GALNT13: variants seen among roughly 807,000 people sequenced by gnomAD.
The protein encoded by GALNT13 is UDP-GalNAc:polypeptide N-acetylgalactosaminyltransferase 13.
A neutral mutation model predicts 64.2 loss-of-function variants in GALNT13; 28 were observed. The ratio of observed to expected loss-of-function variants is 0.44; its 90% confidence interval spans 0.32 to 0.60. The LOEUF is 0.60. Ranked by LOEUF, GALNT13 falls within the 20% of genes least tolerant of loss-of-function variation. GALNT13 has a pLI of 0.05. For missense variants in GALNT13, 577 were observed against 669.8 expected, an observed-to-expected ratio of 0.86 and a Z score of 1.53; for synonymous variants, 214 against 224.6, an observed-to-expected ratio of 0.95 and a Z score of 0.42.
chr2:154,275,509 G>T (rs1691592126), intron 8 of GALNT13, among the ~76,000 whole-genome samples: 1 of 152,230 alleles, frequency 6.6e-6, no homozygotes, highest in Non-Finnish European at 1.5e-5. Flanking sequence ...TCCACATGCT[G>T]TTAGGCCTGT....
intron 3 of GALNT13, among the ~76,000 whole-genome samples, chr2:154,064,515 T>C (rs1700357892): frequency 6.6e-6 from 1 of 152,066 alleles, no homozygotes; most frequent in Non-Finnish European, 1.5e-5. Context: ...AAAGAGTACT[T>C]TGTCTTGGAA....
the GALNT13 span, among the ~76,000 whole-genome samples, chr2:153,443,959 C>T: frequency 2.0e-5 from 3 of 152,074 alleles, no homozygotes; most frequent in Non-Finnish European, 2.9e-5. Context: ...CCTTCCCATT[C>T]TCCCAAGATT....
At chr2:153,184,162 AG>A in the GALNT13 span, among the ~76,000 whole-genome samples, 1 of 152,128 alleles carries the variant, frequency 6.6e-6, no homozygotes. Context: ...AATGTTGTGT[AG>A]TTTTCTGTGA....
the GALNT13 span, among the ~76,000 whole-genome samples, chr2:153,460,253 C>G: frequency 1.3e-5 from 2 of 152,074 alleles, no homozygotes; most frequent in African/African-American, 2.4e-5. Context: ...TTATTTATAG[C>G]ATGAAAAACC....
the GALNT13 span, among the ~76,000 whole-genome samples, chr2:153,549,990 A>C: frequency 6.6e-6 from 1 of 152,130 alleles, no homozygotes; most frequent in Non-Finnish European, 1.5e-5. Flanking sequence ...TACCGTAGCA[A>C]TAGCTAAGAG....
At chr2:153,374,485 A>G in the GALNT13 span, among the ~76,000 whole-genome samples, 492 of 152,262 alleles carry the variant, frequency 3.2e-3, 1 homozygote, top group African/African-American at 0.011. Flanking sequence ...TGAACTTGTT[A>G]TCAGATTTGT....
chr2:153,855,112 A>G, the GALNT13 span, among the ~76,000 whole-genome samples: 1 of 152,204 alleles, frequency 6.6e-6, no homozygotes, highest in Non-Finnish European at 1.5e-5. Context: ...CAAGAAATAG[A>G]ATAGTTTCCT....
the GALNT13 span, among the ~76,000 whole-genome samples, chr2:153,281,993 GTT>G: frequency 6.6e-6 from 1 of 151,776 alleles, no homozygotes; most frequent in Non-Finnish European, 1.5e-5. Flanking sequence ...CTTCAAATGT[GTT>G]TTCTAAGCCA....
the GALNT13 span, among the ~76,000 whole-genome samples, chr2:153,545,839 C>T: frequency 1.3e-5 from 2 of 152,162 alleles, no homozygotes; most frequent in African/African-American, 2.4e-5. Flanking sequence ...TTGCAATGCC[C>T]CTGGCAAGAG....
the GALNT13 span, among the ~76,000 whole-genome samples, chr2:153,259,428 A>G: frequency 0.13 from 20,054 of 151,828 alleles, 1,660 homozygotes; most frequent in Non-Finnish European, 0.18. Context: ...TTTTCATTCA[A>G]TGTTATTATA....
chr2:153,397,478 A>T, the GALNT13 span, among the ~76,000 whole-genome samples: 1 of 152,088 alleles, frequency 6.6e-6, no homozygotes, highest in Non-Finnish European at 1.5e-5. Flanking sequence ...ACAACGTACG[A>T]TCTGATATTT....
At chr2:154,375,939 G>GT (rs1486653286) in intron 9 of GALNT13, among the ~76,000 whole-genome samples, 1 of 152,152 alleles carries the variant, frequency 6.6e-6, no homozygotes, top group African/African-American at 2.4e-5. Context: ...TCACTTAGAG[G>GT]TTTTGTAATT....
chr2:154,398,697 A>G, intron 10 of GALNT13, among the ~76,000 whole-genome samples: 1 of 152,216 alleles, frequency 6.6e-6, no homozygotes, highest in East Asian at 1.9e-4. Flanking sequence ...TTTGAGTGGC[A>G]TTAAGTATCC....
At chr2:154,090,702 A>G (rs984838063) in intron 3 of GALNT13, among the ~76,000 whole-genome samples, 1 of 151,978 alleles carries the variant, frequency 6.6e-6, no homozygotes, top group Non-Finnish European at 1.5e-5. Context: ...TATGAAAATA[A>G]CTTTCCTCTA....
chr2:154,392,464 T>C (rs1391295008), intron 9 of GALNT13, among the ~76,000 whole-genome samples: 2 of 152,290 alleles, frequency 1.3e-5, no homozygotes, highest in East Asian at 3.9e-4. Context: ...AGTTCCTTTA[T>C]ATTATCTGGT....
the GALNT13 span, among the ~76,000 whole-genome samples, chr2:153,481,648 A>T: frequency 6.6e-6 from 1 of 152,296 alleles, no homozygotes; most frequent in East Asian, 1.9e-4. Flanking sequence ...CCAGTATTTT[A>T]TAACATACAT....
chr2:153,666,320 C>G, the GALNT13 span, among the ~76,000 whole-genome samples: 13 of 152,150 alleles, frequency 8.5e-5, no homozygotes, highest in African/African-American at 3.1e-4. Context: ...GACCCTGATA[C>G]CACACTGTCT....
chr2:153,496,358 G>A, the GALNT13 span, among the ~76,000 whole-genome samples: 14 of 152,076 alleles, frequency 9.2e-5, no homozygotes, highest in African/African-American at 3.4e-4. Context: ...GAAATTTACT[G>A]TATACATCCA....
intron 4 of GALNT13, among the ~76,000 whole-genome samples, chr2:154,161,848 T>C (rs1684746474): frequency 6.6e-6 from 1 of 151,898 alleles, no homozygotes; most frequent in Non-Finnish European, 1.5e-5. Flanking sequence ...TGGAGCGATC[T>C]CAGCTCACTG....
Sources: gnomAD v4.1 joint callset for allele counts (sites outside exome capture counted in the v4.1 genomes callset) on GRCh38, gnomAD v4.1.1 for gene constraint, MANE v1.5 for transcripts, NCBI Gene and HGNC (gene_info 2026-07-23, HGNC 2026-07-21) for gene names.